TBL1X: variants seen among roughly 807,000 people sequenced by gnomAD.
TBL1X encodes transducin beta like 1 X-linked.
In TBL1X, 10 loss-of-function variants were observed where a neutral mutation model predicts 50.7. The ratio of observed to expected loss-of-function variants is 0.20; its 90% CI spans 0.12 to 0.33. TBL1X has a LOEUF of 0.33. Ranked by LOEUF, TBL1X falls within the 10% of genes least tolerant of loss-of-function variation. TBL1X has a pLI of 1.00. For synonymous variants in TBL1X, 190 were observed against 214.7 expected, an observed-to-expected ratio of 0.88 and a Z score of 1.01; for missense variants, 340 against 504.4, an observed-to-expected ratio of 0.67 and a Z score of 3.12.
intron 2 of TBL1X, among the ~76,000 whole-genome samples, chrX:9,552,248 C>G (rs149683531): frequency 1.8e-5 from 2 of 111,531 alleles, no homozygotes; most frequent in Admixed American, 1.9e-4. Context: ...GTGTTTTGTG[C>G]GGTCAAAGGG....
chrX:9,631,268 T>C (rs1051432015), intron 2 of TBL1X, among the ~76,000 whole-genome samples: 16 of 111,671 alleles, frequency 1.4e-4, no homozygotes, highest in African/African-American at 3.9e-4. Flanking sequence ...CCAATAGTTA[T>C]CGTCTCTGTT....
intron 15 of TBL1X, among the ~76,000 whole-genome samples, chrX:9,710,532 G>A (rs932559687): frequency 4.2e-4 from 47 of 111,834 alleles, no homozygotes; most frequent in African/African-American, 1.1e-3. Flanking sequence ...CTTTTGCGTC[G>A]CGTGGTACTA....
intron 1 of TBL1X, among the ~76,000 whole-genome samples, chrX:9,497,408 CAAAAAAAAAA>C (rs35402306): frequency 1.6e-4 from 5 of 30,414 alleles, no homozygotes; most frequent in Admixed American, 5.1e-4. Context: ...GACTCCATCT[CAAAAAAAAAA>C]AAAAAAAAAA....
At chrX:9,651,736 G>A in intron 3 of TBL1X, among the ~76,000 whole-genome samples, 1 of 112,548 alleles carries the variant, frequency 8.9e-6, no homozygotes, top group Admixed American at 9.4e-5. Flanking sequence ...GGACAGACTT[G>A]TATTTTGACT....
chrX:9,609,700 A>G (rs1195142110), intron 2 of TBL1X, among the ~76,000 whole-genome samples: 1 of 110,722 alleles, frequency 9.0e-6, no homozygotes, highest in Non-Finnish European at 1.9e-5. Context: ...CGTGGCAGTG[A>G]GGAGGGACGG....
chrX:9,511,096 A>G (rs1374642862), intron 2 of TBL1X, among the ~76,000 whole-genome samples: 1 of 112,200 alleles, frequency 8.9e-6, no homozygotes, highest in East Asian at 2.8e-4. Context: ...AGTAGAAAAT[A>G]TTTACTCTCT....
chrX:9,550,591 C>G (rs2082266079), intron 2 of TBL1X, among the ~76,000 whole-genome samples: 1 of 111,662 alleles, frequency 9.0e-6, no homozygotes. Flanking sequence ...TACGAATTCT[C>G]TTGTAGGAGT....
chrX:9,664,750 A>G (rs915553371), intron 5 of TBL1X, among the ~76,000 whole-genome samples: 2 of 111,784 alleles, frequency 1.8e-5, no homozygotes, highest in East Asian at 5.6e-4. Context: ...GCCACAACAT[A>G]TAATGCATTA....
At chrX:9,492,901 G>GT (rs2081954650) in intron 1 of TBL1X, among the ~76,000 whole-genome samples, 1 of 95,611 alleles carries the variant, frequency 1.0e-5, no homozygotes, top group African/African-American at 3.8e-5. Context: ...GTGTGTGTAG[G>GT]GGAGGAAGGA....
At chrX:9,474,165 T>C (rs1347188496) in intron 1 of TBL1X, among the ~76,000 whole-genome samples, 2 of 113,231 alleles carry the variant, frequency 1.8e-5, no homozygotes, top group Non-Finnish European at 1.9e-5. Context: ...CTAATACTTG[T>C]AAAAAATATA....
At chrX:9,507,808 C>A (rs752693863) in intron 2 of TBL1X, among the ~76,000 whole-genome samples, 32 of 112,144 alleles carry the variant, frequency 2.9e-4, no homozygotes, top group Non-Finnish European at 4.9e-4. Context: ...ACCATCTGAT[C>A]TTCGACAAAT....
chrX:9,685,542 C>T (rs947721792), intron 6 of TBL1X, among the ~76,000 whole-genome samples: 7 of 110,717 alleles, frequency 6.3e-5, no homozygotes, highest in Admixed American at 9.6e-5. Context: ...CATACTGTAC[C>T]GTCATCCATC....
At chrX:9,658,597 T>C (rs1688733568) in intron 5 of TBL1X, among the ~76,000 whole-genome samples, 1 of 111,406 alleles carries the variant, frequency 9.0e-6, no homozygotes, top group African/African-American at 3.3e-5. Context: ...TGGGACTTCA[T>C]CCCAAAATCC....
Position 9,549,245 on chromosome X carries a change from C to T in TBL1X, c.-131+47396C>T, listed in dbSNP as rs1396055643. ...TCTGTGGCCAGGAGGTGGGGGTCCA[C>T]GTCCACTGTGCTCCTCAGCGGCAGG... On this transcript the variant is annotated intron_variant, in intron 2 of 17. Coordinates refer to ENST00000645353, the MANE Select transcript of TBL1X (RefSeq NM_005647.4). Among the ~76,000 whole-genome samples, 3 of 112,549 alleles carry T rather than the reference C, an allele frequency of 2.7e-5. No individual in the cohort carries two copies. The East Asian group carries it at 8.4e-4, about 31-fold the overall frequency.
chrX:9,541,004 T>A (rs2082211752), intron 2 of TBL1X, among the ~76,000 whole-genome samples: 1 of 111,858 alleles, frequency 8.9e-6, no homozygotes, highest in African/African-American at 3.3e-5. Flanking sequence ...CACTTTTTGT[T>A]GTGGGGCATT....
intron 5 of TBL1X, among the ~76,000 whole-genome samples, chrX:9,661,447 C>T (rs1481812900): frequency 9.0e-6 from 1 of 111,356 alleles, no homozygotes; most frequent in Non-Finnish European, 1.9e-5. Context: ...ACTGCCTGAG[C>T]CTGGGAGGTC....
At chrX:9,692,391 GC>G in intron 9 of TBL1X, 137 bp downstream of exon 9, 1 of 782,853 alleles carries the variant, frequency 1.3e-6, no homozygotes, top group Non-Finnish European at 1.8e-6. Context: ...CTGATGGGCT[GC>G]CAGAGAGGTG....
chrX:9,697,510 G>A (rs2083139279), intron 12 of TBL1X, 81 bp downstream of exon 12: 6 of 1,164,444 alleles, frequency 5.2e-6, no homozygotes, highest in East Asian at 3.0e-5. Flanking sequence ...AGTGGCTTAC[G>A]CCTGTAATCC....
intron 2 of TBL1X, among the ~76,000 whole-genome samples, chrX:9,510,103 A>G (rs2082048039): frequency 9.0e-6 from 1 of 110,717 alleles, no homozygotes; most frequent in African/African-American, 3.3e-5. Flanking sequence ...GGCAACATCT[A>G]GAGTTTGGTT....
Sources: gnomAD v4.1 joint callset for allele counts (sites outside exome capture counted in the v4.1 genomes callset) on GRCh38, gnomAD v4.1.1 for gene constraint, MANE v1.5 for transcripts, NCBI Gene and HGNC (gene_info 2026-07-23, HGNC 2026-07-21) for gene names.